Variants in SRL observed in about 807,000 individuals in gnomAD.
SRL encodes sarcalumenin.
SRL carries 23 observed loss-of-function variants against 39.5 expected under a neutral mutation model. The ratio of observed to expected loss-of-function variants is 0.58; its 90% confidence interval spans 0.42 to 0.82. The LOEUF (loss-of-function observed/expected upper bound fraction) is 0.82, where lower values mean the gene tolerates loss of function less well. Ranked by LOEUF, SRL falls within the 40% of genes least tolerant of loss-of-function variation. The pLI is 0.00. For missense variants in SRL, 592 were observed against 607.8 expected (o/e 0.97, Z 0.27); for synonymous variants, 272 against 237.4 (o/e 1.15, Z -1.34).
intron 1 of SRL, among the ~76,000 whole-genome samples, chr16:4,238,302 A>G (rs1486079512): frequency 1.3e-5 from 2 of 152,032 alleles, no homozygotes; most frequent in African/African-American, 4.8e-5. Flanking sequence ...GCCAGGATGC[A>G]CAGGGCCTAG....
chr16:4,197,010 T>C (rs372103633), intron 4 of SRL, among the ~76,000 whole-genome samples: 5 of 151,976 alleles, frequency 3.3e-5, no homozygotes, highest in East Asian at 3.9e-4. Context: ...AATGCTGCTA[T>C]GGACATTGGT....
intron 1 of SRL, among the ~76,000 whole-genome samples, chr16:4,224,759 A>T (rs920151985): frequency 6.6e-6 from 1 of 152,172 alleles, no homozygotes; most frequent in African/African-American, 2.4e-5. Flanking sequence ...AAGTGTCCCC[A>T]GAATGTATAT....
intron 1 of SRL, among the ~76,000 whole-genome samples, chr16:4,228,254 T>C (rs1054991358): frequency 2.0e-5 from 3 of 152,110 alleles, no homozygotes; most frequent in African/African-American, 7.2e-5. Context: ...CTGGCCAAGA[T>C]GGTGAAACCC....
chr16:4,195,868 G>A, intron 4 of SRL, 82 bp from the exon 5 acceptor site: 2 of 1,171,590 alleles, frequency 1.7e-6, no homozygotes, highest in Non-Finnish European at 1.2e-6. Flanking sequence ...TATGCCTGGT[G>A]TCACAGGGAG....
chr16:4,217,542 G>A (rs1367265992), intron 1 of SRL, among the ~76,000 whole-genome samples: 1 of 152,112 alleles, frequency 6.6e-6, no homozygotes, highest in Non-Finnish European at 1.5e-5. Context: ...GTGAGCCACT[G>A]GCCCCTCCCC....
chr16:4,220,944 C>T (rs2052522573), intron 1 of SRL, among the ~76,000 whole-genome samples: 1 of 152,018 alleles, frequency 6.6e-6, no homozygotes, highest in South Asian at 2.1e-4. Flanking sequence ...TATGATTGTG[C>T]CACTGCGCTC....
At chr16:4,234,243 C>A (rs965247233) in intron 1 of SRL, among the ~76,000 whole-genome samples, 2 of 152,216 alleles carry the variant, frequency 1.3e-5, no homozygotes, top group Non-Finnish European at 2.9e-5. Context: ...ATCCTGCCGC[C>A]TTAGCCTCCC....
intron 1 of SRL, among the ~76,000 whole-genome samples, chr16:4,240,010 G>C (rs1330193378): frequency 6.6e-6 from 1 of 152,200 alleles, no homozygotes; most frequent in African/African-American, 2.4e-5. Flanking sequence ...GGTAACAGAG[G>C]GGCGCTTGTC....
chr16:4,189,918 A>C lies in SRL; in HGVS notation c.*2235T>G, dbSNP rs7202888. The C allele has an allele frequency of 0.42, 78,520 of 187,778 alleles. 17,594 individuals carry two copies. The highest frequency in any genetic ancestry group is 0.61 in the South Asian group (3,125 of 5,108). The allele number at this position is 187,778 out of a possible 1,614,324, so 11.6% of individuals were successfully genotyped here. On this transcript the variant is annotated 3_prime_UTR_variant, in exon 6 of 6. Coordinates refer to ENST00000399609, the MANE Select transcript of SRL (RefSeq NM_001098814.2). ...CAGGCAGGGGAAAGTGGGAGGGCCCATCCCCCAAGAGGGCAGACAGTACAG... is the reference window on the plus strand; with the variant it reads ...CAGGCAGGGGAAAGTGGGAGGGCCCCTCCCCCAAGAGGGCAGACAGTACAG...
chr16:4,189,975 G>A lies in SRL; in HGVS notation c.*2178C>T, dbSNP rs564083309. ...GGCGAGGGGTTCTGGGGTTTGCGGA[G>A]GGTGGTTAATGAGAAGAAAAGTCCA... On this transcript the variant is annotated 3_prime_UTR_variant, in exon 6 of 6. Coordinates refer to ENST00000399609, the MANE Select transcript of SRL (RefSeq NM_001098814.2). The A allele has an allele frequency of 7.0e-6, 2 of 284,528 alleles. No individual in the cohort carries two copies. Among genetic ancestry groups the A allele is most frequent in the African/African-American group, 4.3e-5 (2 of 46,100 alleles). 17.6% of individuals were successfully genotyped at this position (284,528 alleles called of 1,614,324 possible).
intron 1 of SRL, among the ~76,000 whole-genome samples, chr16:4,224,227 T>TA (rs2052562292): frequency 3.9e-5 from 6 of 152,076 alleles, no homozygotes; most frequent in Admixed American, 3.3e-4. Flanking sequence ...AAGCAAGTAT[T>TA]TAAACATTTC....
chr16:4,198,062 T>A, intron 3 of SRL, 147 bp from the exon 4 acceptor site: 1 of 640,150 alleles, frequency 1.6e-6, no homozygotes, highest in Non-Finnish European at 2.8e-6. Flanking sequence ...CCAGTGGCGC[T>A]TCTCTTGCTA....
intron 1 of SRL, among the ~76,000 whole-genome samples, chr16:4,238,068 C>T (rs570014462): frequency 1.8e-4 from 28 of 152,158 alleles, no homozygotes; most frequent in Non-Finnish European, 3.4e-4. Flanking sequence ...ATGCAGCAAA[C>T]GAGGGATGGG....
chr16:4,197,852 G>T lies in SRL; in HGVS notation c.323C>A (p.Thr108Asn), dbSNP rs2052170146. Residue 108 changes from threonine to asparagine, a missense_variant, in exon 4 of 6, where the codon ACC (threonine) becomes AAC (asparagine). Transcript: ENST00000399609. ...CAGCCCAAGGAGGTAGTTTATCATG[G>T]TAGATTTACCAACACTCCACGGTCC... Reference protein sequence around the residue: ...FLGPWSVGKSTMINYLLGLEN... With the variant: ...FLGPWSVGKSNMINYLLGLEN... 6.2e-7 allele frequency: 1 copy of T among 1,614,138 alleles called. No homozygotes were observed. The highest frequency in any genetic ancestry group is 8.5e-7 in the Non-Finnish European group (1 of 1,179,982).
intron 5 of SRL, among the ~76,000 whole-genome samples, chr16:4,194,088 C>A (rs1302112857): frequency 1.3e-5 from 2 of 152,236 alleles, no homozygotes; most frequent in Non-Finnish European, 2.9e-5. Context: ...CATTCCTGCA[C>A]TGCCCTGTTC....
intron 2 of SRL, among the ~76,000 whole-genome samples, chr16:4,203,566 G>C (rs2052267823): frequency 6.6e-6 from 1 of 152,146 alleles, no homozygotes; most frequent in Non-Finnish European, 1.5e-5. Flanking sequence ...CTGTCACCCA[G>C]GCTGGAGTGC....
intron 1 of SRL, among the ~76,000 whole-genome samples, chr16:4,223,008 T>C (rs1190141118): frequency 6.6e-6 from 1 of 151,832 alleles, no homozygotes; most frequent in South Asian, 2.1e-4. Flanking sequence ...GGCGGGAAGA[T>C]CACTTGAGGT....
At chr16:4,211,728 C>T (rs1190167345) in intron 1 of SRL, among the ~76,000 whole-genome samples, 15 of 113,372 alleles carry the variant, frequency 1.3e-4, no homozygotes, top group Admixed American at 6.5e-4. Flanking sequence ...ATGACCGTGC[C>T]GATGATGAGG....
At chr16:4,196,553 CTCACTGCAACCTCCGCCCCCGGGT>C (rs1365652749) in intron 4 of SRL, among the ~76,000 whole-genome samples, 6 of 149,970 alleles carry the variant, frequency 4.0e-5, no homozygotes, top group Admixed American at 2.0e-4. Context: ...ATGATCTCAG[CTCACTGCAACCTCCGCCCCCGGGT>C]TCAAGCGATT....
Sources: allele counts gnomAD v4.1 joint callset (sites outside exome capture counted in the v4.1 genomes callset), GRCh38; gene constraint gnomAD v4.1.1; transcripts MANE v1.5; gene names NCBI Gene and HGNC (gene_info 2026-07-23, HGNC 2026-07-21).